Variants in SLC5A8 observed in about 807,000 individuals in gnomAD.
SLC5A8 encodes the protein solute carrier family 5 member 8, also known as sodium-coupled monocarboxylate transporter 1.
In SLC5A8, 55 loss-of-function variants were observed where a neutral mutation model predicts 71.9. That is an observed-to-expected ratio of 0.77 (90% CI 0.62 to 0.96). The LOEUF (loss-of-function observed/expected upper bound fraction) is 0.96. Ranked by LOEUF, SLC5A8 falls within the 40% of genes least tolerant of loss-of-function variation. The pLI is 0.00. For missense variants in SLC5A8, 701 were observed against 745.3 expected, an observed-to-expected ratio of 0.94 and a Z score of 0.69; for synonymous variants, 307 against 276.1, an observed-to-expected ratio of 1.11 and a Z score of -1.11.
rs370628028 is a variant in SLC5A8, at chr12:101,193,700, T to C, written c.617A>G (p.Gln206Arg). 1.4e-4 allele frequency: 227 copies of C among 1,614,072 alleles called. No homozygotes were observed. The highest frequency in any genetic ancestry group is 1.9e-4 in the Non-Finnish European group (225 of 1,180,038). The change falls in exon 5 of 15, where the codon CAG (glutamine) becomes CGG (arginine). Residue 206 changes from glutamine to arginine, a missense_variant. Coordinates refer to ENST00000536262, the MANE Select transcript of SLC5A8 (RefSeq NM_145913.5). ...MVAGFASVIIQAVVMQGGIST... is the reference protein window; with the variant it reads ...MVAGFASVIIRAVVMQGGIST... ...GATTCCACCTTGCATCACCACAGCC[T>C]GTATAATCACGGATGCAAATCCAGC...
intron 6 of SLC5A8, among the ~76,000 whole-genome samples, chr12:101,189,756 G>T (rs1229605606): frequency 1.3e-5 from 2 of 152,072 alleles, no homozygotes; most frequent in African/African-American, 2.4e-5. Flanking sequence ...CCCAAATTAT[G>T]ATCATTCTTC....
chr12:101,195,695 CTTTTTTTT>C (rs11338261), intron 3 of SLC5A8, among the ~76,000 whole-genome samples: 3 of 97,416 alleles, frequency 3.1e-5, no homozygotes, highest in East Asian at 3.2e-4. Context: ...ATGGTAATTC[CTTTTTTTT>C]TTTTTTTTTT....
At chr12:101,199,404 A>G (rs143287211) in intron 3 of SLC5A8, 6 of 152,168 alleles carry the variant, frequency 3.9e-5, no homozygotes, top group African/African-American at 1.2e-4. Flanking sequence ...AGGCCTAGGT[A>G]AATGAATAGA....
At position 101,157,408 on chromosome 12, in the gene SLC5A8, GA is replaced by G; in HGVS notation, c.1711-8del. 1.3e-6 allele frequency: 2 copies of G among 1,581,084 alleles called. No individual in the cohort carries two copies. The highest frequency in any genetic ancestry group is 1.7e-6 in the Non-Finnish European group (2 of 1,162,438). ...AGCTCAAAACATGCTTCTTCTAAAA[GA>G]AAATGTTAACATGGTGATTAGGGGG... is the stretch of plus-strand genomic sequence containing the variant. On this transcript the variant is annotated splice_region_variant and splice_polypyrimidine_tract_variant and intron_variant, in intron 14 of 14. Transcript: ENST00000536262.
rs1593357138 is a variant in SLC5A8, at chr12:101,157,226, G to T, written c.*53C>A. On this transcript the variant is annotated 3_prime_UTR_variant, in exon 15 of 15. Transcript: ENST00000536262. ...AAGAAAACCTGATCCAATTATCTTA[G>T]AAAACATATAAAATTGAAACATCAT... is the stretch of plus-strand genomic sequence containing the variant. The T allele has an allele frequency of 3.8e-6, 6 of 1,583,736 alleles. No individual in the cohort carries two copies. The South Asian group carries it at 5.7e-5, about 15-fold the overall frequency.
intron 10 of SLC5A8, among the ~76,000 whole-genome samples, chr12:101,174,429 A>G (rs970878868): frequency 6.6e-6 from 1 of 152,208 alleles, no homozygotes; most frequent in African/African-American, 2.4e-5. Flanking sequence ...AACTGACCAG[A>G]GAGTCTTCAT....
At chr12:101,170,966 AC>A (rs747891441) in intron 10 of SLC5A8, among the ~76,000 whole-genome samples, 8 of 152,160 alleles carry the variant, frequency 5.3e-5, no homozygotes, top group Non-Finnish European at 1.2e-4. Flanking sequence ...AGTCTTGTAC[AC>A]CGTCTGATGC....
At chr12:101,180,127 A>G in intron 9 of SLC5A8, 31 bp from the exon 10 acceptor site, 1 of 1,603,096 alleles carries the variant, frequency 6.2e-7, no homozygotes, top group Non-Finnish European at 8.5e-7. Flanking sequence ...CCAGTGTAAA[A>G]TCCACACCCA....
chr12:101,157,202 A>G lies in SLC5A8; in HGVS notation c.*77T>C, dbSNP rs957880221. 41 of 1,556,378 alleles carry G rather than the reference A, an allele frequency of 2.6e-5. No individual in the cohort carries two copies. The highest frequency in any genetic ancestry group is 3.3e-5 in the Non-Finnish European group (38 of 1,146,574). On this transcript the variant is annotated 3_prime_UTR_variant, in exon 15 of 15. Coordinates refer to ENST00000536262, the MANE Select transcript of SLC5A8 (RefSeq NM_145913.5). ...TGATACAACACACACACACACACAA[A>G]GAAAACCTGATCCAATTATCTTAGA...
chr12:101,192,215 A>G (rs1184935454), intron 5 of SLC5A8, among the ~76,000 whole-genome samples: 2 of 152,256 alleles, frequency 1.3e-5, no homozygotes, highest in African/African-American at 4.8e-5. Flanking sequence ...CTAGGCAACT[A>G]GAGCCTCTTT....
intron 10 of SLC5A8, among the ~76,000 whole-genome samples, chr12:101,171,890 G>A (rs985090136): frequency 3.9e-5 from 6 of 152,152 alleles, no homozygotes; most frequent in East Asian, 1.9e-4. Flanking sequence ...AAAAGAACAC[G>A]GGCACACTGG....
At position 101,166,504 on chromosome 12, in the gene SLC5A8, T is replaced by C. The variant is rs941964380; in HGVS notation, c.1516A>G (p.Asn506Asp). ...PFTTSVFQIY[N>D]VQRTPLMDNW... is the part of the protein sequence containing the mutation. ...AACTTAATTCAATACCTTTGAACATTGTATATTTGAAAAACACTAGTAGTA... is the reference window on the plus strand; with the variant it reads ...AACTTAATTCAATACCTTTGAACATCGTATATTTGAAAAACACTAGTAGTA... The change falls in exon 12 of 15, where the codon AAT becomes GAT. Residue 506 changes from asparagine to aspartate, a missense_variant. Asn to Asp is a conservative substitution (Grantham distance 23). Coordinates refer to ENST00000536262, the MANE Select transcript of SLC5A8 (RefSeq NM_145913.5). The C allele has an allele frequency of 6.2e-7, 1 of 1,613,076 alleles. No homozygotes were observed. Among genetic ancestry groups the C allele is most frequent in the Admixed American group, 1.7e-5 (1 of 59,888 alleles).
intron 5 of SLC5A8, among the ~76,000 whole-genome samples, chr12:101,191,748 T>C (rs970506934): frequency 6.6e-6 from 1 of 152,244 alleles, no homozygotes; most frequent in African/African-American, 2.4e-5. Context: ...TGAGCAATAC[T>C]TTGTCTATCA....
rs1869594278 is a variant in SLC5A8, at chr12:101,204,499, C to G, written c.417+1G>C. On this transcript the variant is annotated splice_donor_variant, in intron 2 of 14. Transcript: ENST00000536262. LOFTEE classifies it high-confidence loss of function. ...GATAAAATAAATGGAGAGCTACTTA[C>G]TGTTTGAACAATGAAGAGGACTGTT... The G allele has an allele frequency of 6.3e-7, 1 of 1,592,284 alleles. No individual in the cohort carries two copies.
At chr12:101,200,158 T>C (rs938791225) in intron 3 of SLC5A8, among the ~76,000 whole-genome samples, 1 of 149,888 alleles carries the variant, frequency 6.7e-6, no homozygotes, top group Admixed American at 6.7e-5. Context: ...ATTCCACTTA[T>C]ATAAAATCTA....
intron 13 of SLC5A8, among the ~76,000 whole-genome samples, chr12:101,158,841 T>C (rs1214903995): frequency 6.6e-6 from 1 of 150,428 alleles, no homozygotes; most frequent in Non-Finnish European, 1.5e-5. Context: ...CAAATATACA[T>C]GTCTATGAAG....
chr12:101,177,444 T>TACACAC (rs60836789), intron 10 of SLC5A8, among the ~76,000 whole-genome samples: 43 of 94,488 alleles, frequency 4.6e-4, no homozygotes, highest in South Asian at 2.1e-3. Flanking sequence ...AGGCAGTATA[T>TACACAC]ACACACACAC....
chr12:101,188,861 T>A (rs1868775587), intron 6 of SLC5A8, among the ~76,000 whole-genome samples: 1 of 152,218 alleles, frequency 6.6e-6, no homozygotes, highest in Non-Finnish European at 1.5e-5. Context: ...GTCTCTTATA[T>A]ATGAGTTTAA....
intron 4 of SLC5A8, among the ~76,000 whole-genome samples, 175 bp downstream of exon 4, chr12:101,194,920 A>G (rs1473299693): frequency 6.6e-6 from 1 of 152,210 alleles, no homozygotes; most frequent in Non-Finnish European, 1.5e-5. Flanking sequence ...TCCATTTTCT[A>G]CAAAGGATCA....
Sources: allele counts gnomAD v4.1 joint callset (sites outside exome capture counted in the v4.1 genomes callset), GRCh38; gene constraint gnomAD v4.1.1; transcripts MANE v1.5; gene names NCBI Gene and HGNC (gene_info 2026-07-23, HGNC 2026-07-21).